DNAL4: variants seen among roughly 807,000 people sequenced by gnomAD.
DNAL4 encodes the protein dynein light chain, outer arm 4.
In DNAL4, 10 loss-of-function variants were observed where a neutral mutation model predicts 12.6. That is an observed-to-expected ratio of 0.79 (90% CI 0.49 to 1.34). DNAL4 has a LOEUF of 1.34. Among genes scored for constraint, DNAL4 ranks in the 40% most tolerant of loss-of-function variants. DNAL4 has a pLI of 0.00. For synonymous variants in DNAL4, 46 were observed against 53.1 expected (o/e 0.87, Z 0.58); for missense variants, 128 against 138.1 (o/e 0.93, Z 0.37).
intron 3 of DNAL4, 116 bp downstream of exon 3, chr22:38,780,810 G>A: frequency 9.9e-7 from 1 of 1,008,230 alleles, no homozygotes; most frequent in Non-Finnish European, 1.5e-6. Flanking sequence ...TCCAAGGAAG[G>A]CTCTGGCCTC....
At position 38,779,674 on chromosome 22, in the gene DNAL4, CT is replaced by C. The variant is rs1316304898; in HGVS notation, c.154-62del. The C allele has an allele frequency of 6.5e-7, 1 of 1,530,280 alleles. No homozygotes were observed. 94.8% of individuals were successfully genotyped at this position (1,530,280 alleles called of 1,614,324 possible). Reference sequence around the variant, plus strand: ...GGCAGGTGGGGGCAGGAGTCAGGTCCTTCTCCAGGAAGGAGAAGGCTGGCAC... The same window carrying C: ...GGCAGGTGGGGGCAGGAGTCAGGTCCTCTCCAGGAAGGAGAAGGCTGGCAC... On this transcript the variant is annotated intron_variant, in intron 3 of 3. Transcript: ENST00000216068. The surrounding 1 kb of genome is among the most constrained non-coding windows in gnomAD (Gnocchi z 4.3).
At chr22:38,789,992 G>A (rs188038812) in intron 1 of DNAL4, among the ~76,000 whole-genome samples, 136 of 152,322 alleles carry the variant, frequency 8.9e-4, no homozygotes, top group Admixed American at 3.0e-3. Flanking sequence ...GGGTTGGGCT[G>A]TGGACGTGTA....
In DNAL4 at chr22:38,779,517, C is replaced by T. The variant is rs1418165423; in HGVS notation, c.250G>A (p.Glu84Lys). Residue 84 changes from glutamate (E) to lysine (K), a missense_variant, in exon 4 of 4, where the codon GAG becomes AAG. Physicochemically the swap from Glu to Lys is moderately conservative, Grantham distance 56. Coordinates refer to ENST00000216068, the MANE Select transcript of DNAL4 (RefSeq NM_005740.3). This position sits in a 1 kb window ranked among gnomAD's most constrained non-coding sequence, Gnocchi z 4.3. ...TACAGGTAGAGGAGGTTCTTCACCT[C>T]GTGGGTGATCTCAAACCCAAAGCCC... ...GEGFGFEITH[E>K]VKNLLYLYFG... The T allele has an allele frequency of 2.5e-6, 4 of 1,582,190 alleles. No homozygotes were observed. Among genetic ancestry groups the T allele is most frequent in the Admixed American group, 1.8e-5 (1 of 55,492 alleles).
At position 38,779,607 on chromosome 22, in the gene DNAL4, C is replaced by T. The variant is rs2093031167; in HGVS notation, c.160G>A (p.Ala54Thr). 3.1e-6 allele frequency: 5 copies of T among 1,597,072 alleles called. No individual in the cohort carries two copies. Among genetic ancestry groups the T allele is most frequent in the Non-Finnish European group, 4.3e-6 (5 of 1,170,838 alleles). Reference sequence around the variant, plus strand: ...TCCATTGTCTCTTTGATCATCTTGGCGGCGCTCTGGAAGGAAGAGGGCACT... The same window carrying T: ...TCCATTGTCTCTTTGATCATCTTGGTGGCGCTCTGGAAGGAAGAGGGCACT... ...EKFSNNNESA[A>T]KMIKETMDKK... Residue 54 changes from alanine (A) to threonine (T), a missense_variant, in exon 4 of 4, where the codon GCC (alanine) becomes ACC (threonine). Ala to Thr is a moderately conservative substitution (Grantham distance 58). Transcript: ENST00000216068. The surrounding 1 kb of genome is among the most constrained non-coding windows in gnomAD (Gnocchi z 4.3).
At position 38,780,985 on chromosome 22, in the gene DNAL4, G is replaced by A. The variant is rs369970815; in HGVS notation, c.94C>T (p.Arg32Cys). The change falls in exon 3 of 4, where the codon CGC becomes TGC. Residue 32 changes from arginine (R) to cysteine (C), a missense_variant. Transcript: ENST00000216068. ...ACACATAGCTCCATGGTCTCCACGC[G>A]CATCTCCTCTGGCATGTCCGAGTGC... Reference protein sequence around the residue: ...VRHSDMPEEMRVETMELCVTA... With the variant: ...VRHSDMPEEMCVETMELCVTA... 2.5e-5 allele frequency: 41 copies of A among 1,614,012 alleles called. No homozygotes were observed. The highest frequency in any genetic ancestry group is 2.7e-5 in the Non-Finnish European group (32 of 1,180,006).
At position 38,786,554 on chromosome 22, in the gene DNAL4, G is replaced by A. The variant is rs117598950; in HGVS notation, c.-139-3684C>T. Among the ~76,000 whole-genome samples the A allele has an allele frequency of 2.6e-5, 4 of 152,160 alleles. No homozygotes were observed. The East Asian group carries it at 7.7e-4, about 29-fold the overall frequency. On this transcript the variant is annotated intron_variant, in intron 1 of 3. Transcript: ENST00000216068. The stretch of plus-strand genomic sequence containing the variant: ...AGCCTGGGCGAAGAAGTGAGACTCA[G>A]TCTCAAAACAAAACAAAACAAAACA...
At chr22:38,784,251 C>T (rs918334548) in intron 1 of DNAL4, among the ~76,000 whole-genome samples, 3 of 152,154 alleles carry the variant, frequency 2.0e-5, no homozygotes, top group African/African-American at 7.2e-5. Flanking sequence ...CCCGGGAGTT[C>T]GGTTCTGTAG....
At chr22:38,784,772 G>A (rs1009582406) in intron 1 of DNAL4, among the ~76,000 whole-genome samples, 2 of 152,098 alleles carry the variant, frequency 1.3e-5, no homozygotes, top group East Asian at 1.9e-4. Flanking sequence ...CTCAGCCTCC[G>A]AAAGTGCTGG....
At chr22:38,783,388 G>C (rs186996475) in intron 1 of DNAL4, among the ~76,000 whole-genome samples, 1 of 125,058 alleles carries the variant, frequency 8.0e-6, no homozygotes, top group Non-Finnish European at 1.9e-5. Context: ...CTGCATACAC[G>C]GGCCTTCCCT....
chr22:38,779,677 C>A lies in DNAL4; in HGVS notation c.154-64G>T, dbSNP rs2093031316. On this transcript the variant is annotated intron_variant, in intron 3 of 3. Transcript: ENST00000216068. This position sits in a 1 kb window ranked among gnomAD's most constrained non-coding sequence, Gnocchi z 4.3. ...AGGTGGGGGCAGGAGTCAGGTCCTT[C>A]TCCAGGAAGGAGAAGGCTGGCACTG... 6.6e-7 allele frequency: 1 copy of A among 1,525,314 alleles called. No individual in the cohort carries two copies. The highest frequency in any genetic ancestry group is 1.4e-5 in the African/African-American group (1 of 72,684). 94.5% of individuals were successfully genotyped at this position (1,525,314 alleles called of 1,614,324 possible). A position where few individuals can be genotyped will look rare whatever the true frequency, so the allele number is the denominator to read the frequency against.
At chr22:38,787,907 G>A (rs2093044815) in intron 1 of DNAL4, among the ~76,000 whole-genome samples, 1 of 152,128 alleles carries the variant, frequency 6.6e-6, no homozygotes, top group Non-Finnish European at 1.5e-5. Context: ...TGGCCTGAGG[G>A]TGCACAGCCG....
At chr22:38,784,689 A>G (rs1319069064) in intron 1 of DNAL4, among the ~76,000 whole-genome samples, 1 of 151,526 alleles carries the variant, frequency 6.6e-6, no homozygotes, top group Non-Finnish European at 1.5e-5. Flanking sequence ...TTTTTTCTGT[A>G]TTTTTAGTAG....
Position 38,780,926 on chromosome 22 carries a change from C to G in DNAL4, c.153G>C (p.Glu51Asp), listed in dbSNP as rs1226429182. ...GGGCCGCCTGCACTGCTGGCAATAC[C>G]TCGTTGTTGTTGGAGAATTTCTCAC... Reference protein sequence around the residue: ...TACEKFSNNNESAAKMIKETM... With the variant: ...TACEKFSNNNDSAAKMIKETM... Residue 51 changes from glutamate (E) to aspartate (D), a missense_variant and splice_region_variant, in exon 3 of 4, where the codon GAG becomes GAC. Transcript: ENST00000216068. 6.2e-7 allele frequency: 1 copy of G among 1,614,094 alleles called. No homozygotes were observed. The highest frequency in any genetic ancestry group is 1.3e-5 in the African/African-American group (1 of 74,952).
chr22:38,783,875 A>T (rs2093038247), intron 1 of DNAL4, among the ~76,000 whole-genome samples: 1 of 152,028 alleles, frequency 6.6e-6, no homozygotes, highest in Admixed American at 6.5e-5. Context: ...TACTAAAGAG[A>T]CGGGCCTGGA....
chr22:38,794,002 TGCCTCCC>T (rs2093054893), intron 1 of DNAL4, 59 bp downstream of exon 1: 1 of 152,058 alleles, frequency 6.6e-6, no homozygotes, highest in Non-Finnish European at 1.5e-5. Context: ...CGCCCTGCGT[TGCCTCCC>T]GCCCTCCCTC....
chr22:38,789,308 C>T (rs1039085378), intron 1 of DNAL4, among the ~76,000 whole-genome samples: 3 of 152,164 alleles, frequency 2.0e-5, no homozygotes, highest in African/African-American at 7.2e-5. Flanking sequence ...CTCTGTTGCC[C>T]AGGCTGGAGT....
intron 1 of DNAL4, among the ~76,000 whole-genome samples, chr22:38,788,609 G>C (rs924982182): frequency 3.9e-5 from 6 of 152,152 alleles, no homozygotes; most frequent in Non-Finnish European, 8.8e-5. Context: ...AGCCAGACTT[G>C]GATGAAATCC....
Position 38,780,672 on chromosome 22 carries a change from G to A in DNAL4, c.153+254C>T. 3 of 492,272 alleles carry A rather than the reference G, an allele frequency of 6.1e-6. 1 individual carries two copies. Among genetic ancestry groups the A allele is most frequent in the South Asian group, 4.9e-5 (2 of 40,524 alleles). 30.5% of individuals were successfully genotyped at this position (492,272 alleles called of 1,614,324 possible). Reference sequence around the variant, plus strand: ...GCACCCTATTCAGCAGCCCACCTGAGGCAGGGAACATGGGCAGGGGCGTCA... The same window carrying A: ...GCACCCTATTCAGCAGCCCACCTGAAGCAGGGAACATGGGCAGGGGCGTCA... On this transcript the variant is annotated intron_variant, in intron 3 of 3. Coordinates refer to ENST00000216068, the MANE Select transcript of DNAL4 (RefSeq NM_005740.3).
Position 38,779,143 on chromosome 22 carries a change from T to C in DNAL4, c.*306A>G, listed in dbSNP as rs2146161560. On this transcript the variant is annotated 3_prime_UTR_variant, in exon 4 of 4. Coordinates refer to ENST00000216068, the MANE Select transcript of DNAL4 (RefSeq NM_005740.3). The surrounding 1 kb of genome is among the most constrained non-coding windows in gnomAD (Gnocchi z 4.3). ...CCCTGGAGAAAGGGGGACTGGCGTG[T>C]TCCTGTGCGGAAGATCTCATCTCCC... 1.2e-5 allele frequency: 3 copies of C among 244,220 alleles called. No individual in the cohort carries two copies. The South Asian group carries it at 4.7e-4, about 38-fold the overall frequency. 15.1% of individuals were successfully genotyped at this position (244,220 alleles called of 1,614,324 possible). A position where few individuals can be genotyped will look rare whatever the true frequency, so the allele number is the denominator to read the frequency against.
Sources: gnomAD v4.1 joint callset for allele counts (sites outside exome capture counted in the v4.1 genomes callset) on GRCh38, gnomAD v4.1.1 for gene constraint, Gnocchi (gnomAD v3.1) non-coding constraint, MANE v1.5 for transcripts, NCBI Gene and HGNC (gene_info 2026-07-23, HGNC 2026-07-21) for gene names.